Variants in FRMPD4 observed in about 807,000 individuals in gnomAD.
The protein encoded by FRMPD4 is FERM and PDZ domain containing 4, also known as FERM and PDZ domain-containing protein 4.
In FRMPD4, 22 loss-of-function variants were observed where a neutral mutation model predicts 94.1. That is an observed-to-expected ratio of 0.23 (90% CI 0.17 to 0.33). The LOEUF (loss-of-function observed/expected upper bound fraction) is 0.33. Ranked by LOEUF, FRMPD4 falls within the 10% of genes least tolerant of loss-of-function variation. FRMPD4 has a pLI of 1.00. For missense variants in FRMPD4, 1,111 were observed against 1,339.9 expected (o/e 0.83, Z 2.67); for synonymous variants, 631 against 548.6 (o/e 1.15, Z -2.10).
In FRMPD4 at chrX:12,712,218, GAAA is replaced by G. The variant is rs59142640; in HGVS notation, c.1609+1692_1609+1694del. ...AGCATTTCTATTAATAATTAGCAGT[GAAA>G]AAAAAAAAAACAGAGGCAGAAAGAA... On this transcript the variant is annotated intron_variant, in intron 14 of 16. Transcript: ENST00000675598. Among the ~76,000 whole-genome samples, 236 of 97,408 alleles carry G rather than the reference GAAA, an allele frequency of 2.4e-3. 1 individual carries two copies. In the Middle Eastern group the frequency reaches 0.032, roughly 13 times the overall value. 84.6% of individuals were successfully genotyped at this position (97,408 alleles called of 115,157 possible).
At chrX:12,398,069 C>A (rs2056566031) in intron 1 of FRMPD4, among the ~76,000 whole-genome samples, 1 of 111,109 alleles carries the variant, frequency 9.0e-6, no homozygotes, top group African/African-American at 3.3e-5. Flanking sequence ...TTGGGGAGCA[C>A]ACCTTTGATT....
At chrX:12,602,260 T>C (rs1396390088) in intron 2 of FRMPD4, among the ~76,000 whole-genome samples, 2 of 111,565 alleles carry the variant, frequency 1.8e-5, no homozygotes, top group Non-Finnish European at 3.8e-5. Flanking sequence ...TGAGGAACTC[T>C]GGTTTACATA....
In FRMPD4 at chrX:12,379,365, T is replaced by C. The variant is rs931421743; in HGVS notation, c.42-119315T>C. Among the ~76,000 whole-genome samples the C allele has an allele frequency of 3.6e-5, 4 of 111,910 alleles. No individual in the cohort carries two copies. In the Admixed American group the frequency reaches 3.8e-4, roughly 11 times the overall value. On this transcript the variant is annotated intron_variant, in intron 1 of 16. Transcript: ENST00000675598. Reference sequence around the variant, plus strand: ...GCTGCATTAAAAATAGAAGGATAGGTTTTAATTAAACTAGGTATTGGATTT... The same window carrying C: ...GCTGCATTAAAAATAGAAGGATAGGCTTTAATTAAACTAGGTATTGGATTT...
At chrX:11,943,447 T>C (rs1278835001) in intron 3 of FRMPD4, among the ~76,000 whole-genome samples, 1 of 111,134 alleles carries the variant, frequency 9.0e-6, no homozygotes, top group African/African-American at 3.3e-5. Flanking sequence ...AGTTTAATAG[T>C]ATGGCACAGG....
intron 3 of FRMPD4, among the ~76,000 whole-genome samples, chrX:12,039,244 C>T (rs955901633): frequency 4.7e-4 from 51 of 108,322 alleles, no homozygotes; most frequent in African/African-American, 1.6e-3. Context: ...GACTCCTGGG[C>T]TCAAGCAATC....
chrX:12,020,997 A>T (rs1180342078), intron 3 of FRMPD4, among the ~76,000 whole-genome samples: 1 of 112,127 alleles, frequency 8.9e-6, no homozygotes, highest in Non-Finnish European at 1.9e-5. Context: ...GGTCTGTCCT[A>T]GTGAGCTGTG....
chrX:11,880,651 T>C (rs2053808652), intron 3 of FRMPD4, among the ~76,000 whole-genome samples: 1 of 111,500 alleles, frequency 9.0e-6, no homozygotes, highest in Non-Finnish European at 1.9e-5. Context: ...TTTTTATTTA[T>C]TTATTTTTTG....
chrX:11,980,189 T>C (rs1747987541), intron 3 of FRMPD4, among the ~76,000 whole-genome samples: 1 of 112,202 alleles, frequency 8.9e-6, no homozygotes, highest in African/African-American at 3.2e-5. Flanking sequence ...TTTTGTTGGG[T>C]TGTATTTATG....
intron 2 of FRMPD4, among the ~76,000 whole-genome samples, chrX:12,572,896 G>T (rs902396679): frequency 2.3e-4 from 26 of 111,461 alleles, no homozygotes; most frequent in Non-Finnish European, 1.9e-4. Flanking sequence ...AGAAATGTGT[G>T]GTGAATGAAG....
At chrX:12,388,850 T>TATATATATATATACGC (rs1491368741) in intron 1 of FRMPD4, among the ~76,000 whole-genome samples, 1 of 73,479 alleles carries the variant, frequency 1.4e-5, no homozygotes, top group African/African-American at 6.4e-5. Context: ...TATATATATA[T>TATATATATATATACGC]ACACACAATG....
At chrX:12,246,961 T>G (rs758786172) in intron 1 of FRMPD4, among the ~76,000 whole-genome samples, 1 of 112,071 alleles carries the variant, frequency 8.9e-6, no homozygotes, top group Admixed American at 9.4e-5. Context: ...AAGCCTAGGA[T>G]AAGATATTTT....
intron 1 of FRMPD4, among the ~76,000 whole-genome samples, chrX:12,393,916 G>C (rs1308564681): frequency 9.0e-6 from 1 of 111,396 alleles, no homozygotes; most frequent in Non-Finnish European, 1.9e-5. Context: ...AAACCTGTAG[G>C]CATTCTGTAA....
At chrX:11,834,370 T>C (rs972660414) in intron 1 of FRMPD4, among the ~76,000 whole-genome samples, 25 of 111,857 alleles carry the variant, frequency 2.2e-4, no homozygotes, top group African/African-American at 7.8e-4. Flanking sequence ...TTTCTCAGAG[T>C]CTCACTGATA....
intron 1 of FRMPD4, among the ~76,000 whole-genome samples, chrX:12,332,681 C>A (rs1470301251): frequency 1.8e-5 from 2 of 111,458 alleles, no homozygotes; most frequent in African/African-American, 6.5e-5. Context: ...ATCTTTGGTT[C>A]ATGGGTTAAT....
chrX:12,313,279 G>A (rs1036992042), intron 1 of FRMPD4, among the ~76,000 whole-genome samples: 1 of 112,300 alleles, frequency 8.9e-6, no homozygotes, highest in African/African-American at 3.2e-5. Context: ...CAGGGGTAGT[G>A]ACAAAATGTA....
chrX:12,446,233 C>T (rs781120849), intron 1 of FRMPD4, among the ~76,000 whole-genome samples: 1 of 112,197 alleles, frequency 8.9e-6, no homozygotes, highest in Non-Finnish European at 1.9e-5. Flanking sequence ...ATAAAACAAT[C>T]AATAATGAAC....
chrX:12,679,722 C>T (rs1021130329), intron 5 of FRMPD4, among the ~76,000 whole-genome samples: 1 of 111,954 alleles, frequency 8.9e-6, no homozygotes, highest in African/African-American at 3.3e-5. Flanking sequence ...ACCCCAGCTC[C>T]CTCTCTCCTC....
chrX:12,025,004 G>A (rs2054651536), intron 3 of FRMPD4, among the ~76,000 whole-genome samples: 1 of 110,922 alleles, frequency 9.0e-6, no homozygotes, highest in Non-Finnish European at 1.9e-5. Flanking sequence ...ATCTTATTCT[G>A]CCTCTCTGCA....
intron 3 of FRMPD4, among the ~76,000 whole-genome samples, chrX:11,982,994 T>C (rs1320314379): frequency 8.9e-6 from 1 of 111,828 alleles, no homozygotes; most frequent in African/African-American, 3.2e-5. Flanking sequence ...GCTGTCATTC[T>C]TTTAGGTCTG....
Sources: allele counts gnomAD v4.1 joint callset (sites outside exome capture counted in the v4.1 genomes callset), GRCh38; gene constraint gnomAD v4.1.1; transcripts MANE v1.5; gene names NCBI Gene and HGNC (gene_info 2026-07-23, HGNC 2026-07-21).